Variants in NDST4 observed in about 807,000 individuals in gnomAD.
NDST4 encodes the protein N-heparan sulfate sulfotransferase 4.
A neutral mutation model predicts 100.8 loss-of-function variants in NDST4; 63 were observed. The ratio of observed to expected loss-of-function variants is 0.62; its 90% CI spans 0.51 to 0.77. The LOEUF (loss-of-function observed/expected upper bound fraction) is 0.77, where lower values mean the gene tolerates loss of function less well. NDST4 is among the 30% of genes least tolerant of loss of function. The probability of loss-of-function intolerance (pLI) is 0.00; values close to 1 mark genes in which losing one functional copy is unlikely to be tolerated. For synonymous variants in NDST4, 377 were observed against 361.8 expected (o/e 1.04, Z -0.48); for missense variants, 943 against 1,018.4 (o/e 0.93, Z 1.01).
chr4:114,913,949 A>T (rs1725115618), intron 6 of NDST4, among the ~76,000 whole-genome samples: 1 of 152,068 alleles, frequency 6.6e-6, no homozygotes, highest in African/African-American at 2.4e-5. Flanking sequence ...ACAGTAACAG[A>T]TGAATGGATA....
intron 4 of NDST4, among the ~76,000 whole-genome samples, chr4:114,938,405 G>T (rs1725678890): frequency 6.6e-6 from 1 of 152,142 alleles, no homozygotes; most frequent in African/African-American, 2.4e-5. Context: ...AATTGTCAAA[G>T]AATGGGATTA....
intron 4 of NDST4, among the ~76,000 whole-genome samples, chr4:114,970,174 A>G (rs142319585): frequency 1.4e-5 from 2 of 148,136 alleles, no homozygotes; most frequent in East Asian, 1.9e-4. Context: ...CTCGTAAAAT[A>G]GGAGTTGAAA....
At chr4:115,080,495 C>T (rs1253532415) in intron 1 of NDST4, among the ~76,000 whole-genome samples, 1 of 152,066 alleles carries the variant, frequency 6.6e-6, no homozygotes, top group Non-Finnish European at 1.5e-5. Context: ...CAAAACTCAG[C>T]TCCCTTTAAC....
chr4:115,058,422 G>T (rs1313094214), intron 2 of NDST4, among the ~76,000 whole-genome samples: 2 of 152,128 alleles, frequency 1.3e-5, no homozygotes, highest in Non-Finnish European at 2.9e-5. Flanking sequence ...GGGCTTTCAA[G>T]TTAATCATTA....
chr4:114,871,386 C>A (rs72679780), intron 6 of NDST4, among the ~76,000 whole-genome samples: 1 of 151,976 alleles, frequency 6.6e-6, no homozygotes, highest in African/African-American at 2.4e-5. Context: ...TCTAATTAAA[C>A]GAATTTTATT....
In NDST4 at chr4:114,829,785, A is replaced by G; in HGVS notation, c.2499+5T>C. 3 of 1,583,650 alleles carry G rather than the reference A, an allele frequency of 1.9e-6. No homozygotes were observed. Among genetic ancestry groups the G allele is most frequent in the Non-Finnish European group, 2.6e-6 (3 of 1,169,812 alleles). On this transcript the variant is annotated splice_donor_5th_base_variant and intron_variant, in intron 13 of 13. Transcript: ENST00000264363. Reference sequence around the variant, plus strand: ...AGAGTAATTCAAAGATTAAAAAATTATTACCTCTGGATCCATAGGTGGATA... The same window carrying G: ...AGAGTAATTCAAAGATTAAAAAATTGTTACCTCTGGATCCATAGGTGGATA...
chr4:115,015,890 A>T (rs1727666354), intron 2 of NDST4, among the ~76,000 whole-genome samples: 1 of 152,056 alleles, frequency 6.6e-6, no homozygotes, highest in South Asian at 2.1e-4. Context: ...CTGATATGGT[A>T]TCATTCCCTA....
chr4:114,852,167 G>C lies in NDST4; in HGVS notation c.1816+558C>G, dbSNP rs116032380. On this transcript the variant is annotated intron_variant, in intron 8 of 13. Transcript: ENST00000264363. The stretch of plus-strand genomic sequence containing the variant: ...TATACAGTTGTCCTTCAGTGCATGA[G>C]AGAATACCAAGGAAAAAATACCTGA... Among the ~76,000 whole-genome samples, 591 of 152,192 alleles carry C rather than the reference G, an allele frequency of 3.9e-3. 4 individuals carry two copies. The highest frequency in any genetic ancestry group is 0.013 in the African/African-American group (555 of 41,512).
At chr4:115,046,604 A>T (rs1728468072) in intron 2 of NDST4, among the ~76,000 whole-genome samples, 1 of 151,796 alleles carries the variant, frequency 6.6e-6, no homozygotes, top group Non-Finnish European at 1.5e-5. Context: ...ATCAGAATTT[A>T]TTTTTCCCTG....
At chr4:114,843,677 C>T (rs756010961) in intron 10 of NDST4, among the ~76,000 whole-genome samples, 8 of 152,156 alleles carry the variant, frequency 5.3e-5, no homozygotes, top group Non-Finnish European at 8.8e-5. Flanking sequence ...ATTGTTGTCA[C>T]GCCTCCATCT....
At chr4:114,885,742 A>T (rs1028000643) in intron 6 of NDST4, among the ~76,000 whole-genome samples, 15 of 151,962 alleles carry the variant, frequency 9.9e-5, no homozygotes, top group African/African-American at 3.4e-4. Flanking sequence ...TGGATTTCTG[A>T]TACTGCTTAC....
intron 6 of NDST4, among the ~76,000 whole-genome samples, chr4:114,913,743 AAAAAAAAC>A (rs1725110815): frequency 7.1e-6 from 1 of 141,000 alleles, no homozygotes; most frequent in Non-Finnish European, 1.5e-5. Context: ...AAAAAAAAAA[AAAAAAAAC>A]ACTTTTATTT....
chr4:115,061,706 G>C lies in NDST4; in HGVS notation c.978+14353C>G, dbSNP rs150878496. ...TAAAACCTAGATGACAGGTTGATGG[G>C]TGCAGCAAACCACCATGGCACATGT... is the stretch of plus-strand genomic sequence containing the variant. On this transcript the variant is annotated intron_variant, in intron 2 of 13. Transcript: ENST00000264363. Among the ~76,000 whole-genome samples, 261 of 152,048 alleles carry C rather than the reference G, an allele frequency of 1.7e-3. 1 individual carries two copies. Among genetic ancestry groups the C allele is most frequent in the African/African-American group, 5.9e-3 (246 of 41,442 alleles).
At chr4:114,998,994 G>A (rs1382932314) in intron 2 of NDST4, among the ~76,000 whole-genome samples, 1 of 152,066 alleles carries the variant, frequency 6.6e-6, no homozygotes, top group Non-Finnish European at 1.5e-5. Context: ...ACAAGATTGA[G>A]AAAGTAAACT....
At chr4:114,998,408 T>C (rs868244188) in intron 2 of NDST4, among the ~76,000 whole-genome samples, 5 of 152,064 alleles carry the variant, frequency 3.3e-5, no homozygotes, top group Non-Finnish European at 5.9e-5. Flanking sequence ...TTCCCCAAAG[T>C]GCAGAGATGA....
At chr4:115,006,990 C>A (rs1727433574) in intron 2 of NDST4, among the ~76,000 whole-genome samples, 1 of 152,022 alleles carries the variant, frequency 6.6e-6, no homozygotes, top group African/African-American at 2.4e-5. Flanking sequence ...TATAAAATGG[C>A]TAGGTTTTAT....
intron 4 of NDST4, among the ~76,000 whole-genome samples, chr4:114,938,177 T>C (rs2126226540): frequency 6.6e-6 from 1 of 152,238 alleles, no homozygotes; most frequent in East Asian, 1.9e-4. Flanking sequence ...TTAAATTATT[T>C]ATGGTCAGAT....
At chr4:114,836,645 G>A (rs1341862978) in intron 11 of NDST4, among the ~76,000 whole-genome samples, 1 of 152,144 alleles carries the variant, frequency 6.6e-6, no homozygotes, top group Non-Finnish European at 1.5e-5. Context: ...TGTATTTCTT[G>A]AATGTGAATG....
At chr4:114,926,030 C>A (rs1490636456) in intron 6 of NDST4, among the ~76,000 whole-genome samples, 2 of 152,102 alleles carry the variant, frequency 1.3e-5, no homozygotes, top group Non-Finnish European at 2.9e-5. Context: ...TGGTGGACTA[C>A]CTGGTGTAAG....
Sources: gnomAD v4.1 joint callset for allele counts (sites outside exome capture counted in the v4.1 genomes callset) on GRCh38, gnomAD v4.1.1 for gene constraint, MANE v1.5 for transcripts, NCBI Gene and HGNC (gene_info 2026-07-23, HGNC 2026-07-21) for gene names.